Variants in SCOC observed in about 807,000 individuals in gnomAD.
The protein encoded by SCOC is short coiled-coil protein.
Under a neutral mutation model 9.9 loss-of-function variants are expected in SCOC, and 7 were observed. The observed-to-expected ratio is 0.71, with a 90% CI of 0.40 to 1.33. The LOEUF (loss-of-function observed/expected upper bound fraction) is 1.33. SCOC is among the 40% of genes most tolerant of loss of function. SCOC has a pLI of 0.01. For missense variants in SCOC, 66 were observed against 89.7 expected (o/e 0.74, Z 1.07); for synonymous variants, 19 against 28.2 (o/e 0.67, Z 1.03).
At chr4:140,302,906 G>GA (rs200007316) in intron 1 of SCOC, among the ~76,000 whole-genome samples, 210 of 150,024 alleles carry the variant, frequency 1.4e-3, no homozygotes, top group African/African-American at 5.0e-3. Flanking sequence ...TCTTTTATAA[G>GA]AAAAAAAAAG....
intron 2 of SCOC, among the ~76,000 whole-genome samples, chr4:140,346,103 T>C (rs566229796): frequency 3.3e-5 from 5 of 152,298 alleles, no homozygotes; most frequent in African/African-American, 1.2e-4. Flanking sequence ...GTTGCGGGCA[T>C]TCCATCTGAG....
chr4:140,320,460 ATTCT>A (rs1411184275), intron 1 of SCOC, among the ~76,000 whole-genome samples: 1 of 152,106 alleles, frequency 6.6e-6, no homozygotes, highest in Non-Finnish European at 1.5e-5. Flanking sequence ...CTTGCCCTAA[ATTCT>A]TTCTTGCACA....
rs1315598829 is a variant in SCOC, at chr4:140,379,648, T to A, written c.102T>A (p.Leu34=). The stretch of plus-strand genomic sequence containing the variant: ...AAGTGTTGGAACTCCAACACACACT[T>A]GAAGGTTGGCTTGCATTTTGTAGTT... ...INQVLELQHT[L]EDLSARVDAV... is the part of the protein sequence containing the mutation. Residue 34 remains leucine (L), a synonymous_variant, in exon 3 of 4, where the codon CTT becomes CTA. Transcript: ENST00000608372. The A allele has an allele frequency of 1.9e-6, 3 of 1,605,130 alleles. No homozygotes were observed. The highest frequency in any genetic ancestry group is 2.6e-6 in the Non-Finnish European group (3 of 1,176,022).
At chr4:140,321,777 T>G (rs1298738308) in intron 1 of SCOC, among the ~76,000 whole-genome samples, 2 of 152,180 alleles carry the variant, frequency 1.3e-5, no homozygotes, top group Non-Finnish European at 2.9e-5. Flanking sequence ...GTTTAAGAAA[T>G]AATTGCTGGC....
At chr4:140,348,668 A>G (rs1462725803) in intron 2 of SCOC, among the ~76,000 whole-genome samples, 1 of 152,146 alleles carries the variant, frequency 6.6e-6, no homozygotes, top group Non-Finnish European at 1.5e-5. Context: ...TTATGATGCA[A>G]TGAATACGAG....
chr4:140,265,726 G>A (rs1730718257), intron 1 of SCOC, among the ~76,000 whole-genome samples: 1 of 152,200 alleles, frequency 6.6e-6, no homozygotes, highest in Admixed American at 6.5e-5. Flanking sequence ...GATGTACAGA[G>A]CAACCTTTAG....
chr4:140,297,226 G>C (rs1451823448), intron 1 of SCOC, among the ~76,000 whole-genome samples: 1 of 151,262 alleles, frequency 6.6e-6, no homozygotes, highest in African/African-American at 2.4e-5. Flanking sequence ...CTTTGGAGAG[G>C]CGCGGAGGGA....
chr4:140,330,449 A>G (rs1288116440), intron 1 of SCOC, among the ~76,000 whole-genome samples: 4 of 152,212 alleles, frequency 2.6e-5, no homozygotes, highest in African/African-American at 4.8e-5. Flanking sequence ...AAAAAACAAA[A>G]AATGCTGAAG....
intron 1 of SCOC, among the ~76,000 whole-genome samples, chr4:140,268,481 A>G (rs756930113): frequency 3.9e-5 from 6 of 152,270 alleles, no homozygotes; most frequent in Non-Finnish European, 5.9e-5. Context: ...CATTTAAAAA[A>G]TGAAAGATTT....
At chr4:140,374,335 A>G (rs950921271) in intron 1 of SCOC, 1 of 365,322 alleles carries the variant, frequency 2.7e-6, no homozygotes, top group Non-Finnish European at 5.5e-6. Flanking sequence ...TCTGTTATAC[A>G]GTGTGTCAAC....
chr4:140,348,287 C>G (rs1267979876), intron 2 of SCOC, among the ~76,000 whole-genome samples: 1 of 152,052 alleles, frequency 6.6e-6, no homozygotes, highest in Non-Finnish European at 1.5e-5. Flanking sequence ...AATTTTGTAT[C>G]CTTTGGCCAA....
At chr4:140,373,360 T>C, upstream of SCOC, 3 of 1,439,104 alleles carry the variant, frequency 2.1e-6, no homozygotes, top group South Asian at 1.5e-5. Context: ...CTGATAGACC[T>C]GATGAGCCGC....
intron 1 of SCOC, among the ~76,000 whole-genome samples, chr4:140,266,742 G>A (rs1351237185): frequency 1.3e-5 from 2 of 152,056 alleles, no homozygotes; most frequent in South Asian, 2.1e-4. Flanking sequence ...CTATAATTAC[G>A]CTGTATTCAG....
chr4:140,383,814 C>T lies in SCOC; in HGVS notation c.*2710C>T, dbSNP rs562662366. 6.6e-6 allele frequency: 1 copy of T among 152,276 alleles called. No individual in the cohort carries two copies. Among genetic ancestry groups the T allele is most frequent in the Admixed American group, 6.5e-5 (1 of 15,288 alleles). The allele number at this position is 152,276 out of a possible 1,614,324, so 9.4% of individuals were successfully genotyped here. A position where few individuals can be genotyped will look rare whatever the true frequency, so the allele number is the denominator to read the frequency against. ...ATCAGTGTGCTTCTGATTGCATATG[C>T]CGAGGAACCACAACCAAGCTTTTGA... On this transcript the variant is annotated 3_prime_UTR_variant, in exon 4 of 4. Coordinates refer to ENST00000608372, the MANE Select transcript of SCOC (RefSeq NM_001153484.2).
chr4:140,373,468 T>A, upstream of SCOC: 2 of 1,549,898 alleles, frequency 1.3e-6, no homozygotes, highest in African/African-American at 1.4e-5. Flanking sequence ...GATGTCAGTG[T>A]CCTTTTGTTA....
At chr4:140,262,389 C>G (rs537797431) in intron 1 of SCOC, among the ~76,000 whole-genome samples, 1 of 152,138 alleles carries the variant, frequency 6.6e-6, no homozygotes, top group Non-Finnish European at 1.5e-5. Flanking sequence ...TTTATAAGGC[C>G]GGGCTTGCTC....
At chr4:140,298,160 G>A (rs1450003272) in intron 1 of SCOC, among the ~76,000 whole-genome samples, 1 of 152,162 alleles carries the variant, frequency 6.6e-6, no homozygotes, top group Non-Finnish European at 1.5e-5. Context: ...TGTCCACCTT[G>A]CCATCTGGTC....
At chr4:140,276,823 G>A (rs1354627660) in intron 1 of SCOC, among the ~76,000 whole-genome samples, 2 of 152,078 alleles carry the variant, frequency 1.3e-5, no homozygotes, top group South Asian at 2.1e-4. Flanking sequence ...GGCAAACTGG[G>A]ACAGTTGGTC....
At chr4:140,275,374 T>A (rs1730957285) in intron 1 of SCOC, among the ~76,000 whole-genome samples, 1 of 152,196 alleles carries the variant, frequency 6.6e-6, no homozygotes, top group African/African-American at 2.4e-5. Context: ...TGCTATGCTG[T>A]GTGTGCCTGA....
Sources: gnomAD v4.1 joint callset for allele counts (sites outside exome capture counted in the v4.1 genomes callset) on GRCh38, gnomAD v4.1.1 for gene constraint, MANE v1.5 for transcripts, NCBI Gene and HGNC (gene_info 2026-07-23, HGNC 2026-07-21) for gene names.